SUPT6H: variants seen among roughly 807,000 people sequenced by gnomAD.
SUPT6H encodes the protein SPT6 homolog, histone chaperone and transcription elongation factor, also known as transcription elongation factor SPT6.
A neutral mutation model predicts 222.3 loss-of-function variants in SUPT6H; 11 were observed. That is an observed-to-expected ratio of 0.05 (90% CI 0.03 to 0.08). The LOEUF is 0.08. Ranked by LOEUF, SUPT6H falls within the 10% of genes least tolerant of loss-of-function variation. The pLI is 1.00. For missense variants in SUPT6H, 1,422 were observed against 2,216.0 expected (o/e 0.64, Z 7.19); for synonymous variants, 762 against 801.2 (o/e 0.95, Z 0.83).
chr17:28,701,630 C>T lies in SUPT6H; in HGVS notation c.*5C>T. 1 of 1,600,930 alleles carries T rather than the reference C, an allele frequency of 6.2e-7. No individual in the cohort carries two copies. Among genetic ancestry groups the T allele is most frequent in the South Asian group, 1.1e-5 (1 of 90,294 alleles). The stretch of plus-strand genomic sequence containing the variant: ...CTGGACGAGATGGATCGGTAGGGGG[C>T]CTGCTCCTCGGACTCTGGTTACCTC... On this transcript the variant is annotated 3_prime_UTR_variant, in exon 37 of 37. Coordinates refer to ENST00000314616, the MANE Select transcript of SUPT6H (RefSeq NM_003170.5).
intron 33 of SUPT6H, 63 bp from the exon 34 acceptor site, chr17:28,700,110 C>A (rs556901351): frequency 6.2e-7 from 1 of 1,609,494 alleles, no homozygotes. Context: ...CCTTCCACCC[C>A]CTGAATTGGG....
chr17:28,686,228 A>G (rs989537364), intron 19 of SUPT6H, 111 bp from the exon 20 acceptor site: 36 of 977,252 alleles, frequency 3.7e-5, no homozygotes, highest in Non-Finnish European at 2.6e-5. Context: ...CTTGGACCAG[A>G]TATCTTCTGA....
At chr17:28,685,641 G>A (rs1309906831) in intron 19 of SUPT6H, among the ~76,000 whole-genome samples, 2 of 151,970 alleles carry the variant, frequency 1.3e-5, no homozygotes, top group South Asian at 2.1e-4. Context: ...GCACCACCAC[G>A]CCTGTCTAAT....
In SUPT6H at chr17:28,695,112, A is replaced by G. The variant is rs538212794; in HGVS notation, c.3775-240A>G. On this transcript the variant is annotated intron_variant, in intron 28 of 36. Coordinates refer to ENST00000314616, the MANE Select transcript of SUPT6H (RefSeq NM_003170.5). ...AGAGTGCCAGGGACAGGGTAGATCC[A>G]GCAGGCTTCAGCTGGTTTTCCTGCC... 1.8e-4 allele frequency: 86 copies of G among 488,504 alleles called. 1 individual carries two copies. Among genetic ancestry groups the G allele is most frequent in the Non-Finnish European group, 2.9e-4 (78 of 272,800 alleles). 30.3% of individuals were successfully genotyped at this position (488,504 alleles called of 1,614,324 possible).
At chr17:28,665,509 A>G (rs2029959095) in intron 1 of SUPT6H, among the ~76,000 whole-genome samples, 1 of 152,110 alleles carries the variant, frequency 6.6e-6, no homozygotes, top group East Asian at 1.9e-4. Context: ...TATAATCCCA[A>G]CACTTTGGGA....
intron 1 of SUPT6H, among the ~76,000 whole-genome samples, chr17:28,667,356 G>A (rs1597682829): frequency 9.5e-6 from 1 of 105,716 alleles, no homozygotes; most frequent in Admixed American, 1.4e-4. Flanking sequence ...GGGTAACTGA[G>A]CAAGACTCCG....
intron 1 of SUPT6H, chr17:28,672,682 G>A (rs1051790117): frequency 4.6e-5 from 7 of 151,592 alleles, no homozygotes; most frequent in African/African-American, 1.5e-4. Flanking sequence ...CCTAAGTGCT[G>A]GGGTTATAGG....
intron 23 of SUPT6H, 152 bp downstream of exon 23, chr17:28,687,623 T>C (rs1218431090): frequency 4.5e-6 from 4 of 888,098 alleles, no homozygotes; most frequent in Middle Eastern, 3.5e-4. Context: ...GAGTCTGACT[T>C]CAGACCCAGT....
intron 1 of SUPT6H, among the ~76,000 whole-genome samples, chr17:28,669,566 G>A (rs1191550323): frequency 6.6e-6 from 1 of 152,204 alleles, no homozygotes; most frequent in Non-Finnish European, 1.5e-5. Context: ...AACTTTGGAA[G>A]GTCGAGGCAG....
chr17:28,701,695 C>T lies in SUPT6H; in HGVS notation c.*70C>T, dbSNP rs1412505370. 6 of 1,472,978 alleles carry T rather than the reference C, an allele frequency of 4.1e-6. No homozygotes were observed. Among genetic ancestry groups the T allele is most frequent in the Non-Finnish European group, 4.6e-6 (5 of 1,088,352 alleles). 91.2% of individuals were successfully genotyped at this position (1,472,978 alleles called of 1,614,324 possible). A position where few individuals can be genotyped will look rare whatever the true frequency, so the allele number is the denominator to read the frequency against. ...GCCTGGCTGCCCACTGCCTCCCTCC[C>T]TGCCCCTCCTTTTATGTCCATAAAG... On this transcript the variant is annotated 3_prime_UTR_variant, in exon 37 of 37. Transcript: ENST00000314616.
chr17:28,673,443 A>G lies in SUPT6H; in HGVS notation c.42A>G (p.Glu14=). 1 of 1,614,136 alleles carries G rather than the reference A, an allele frequency of 6.2e-7. No individual in the cohort carries two copies. Among genetic ancestry groups the G allele is most frequent in the Non-Finnish European group, 8.5e-7 (1 of 1,180,012 alleles). Residue 14 remains glutamate, a synonymous_variant, in exon 2 of 37, where the codon GAA becomes GAG. Coordinates refer to ENST00000314616, the MANE Select transcript of SUPT6H (RefSeq NM_003170.5). ...FVESEAEESE[E]EYNDEGEVVP... The stretch of plus-strand genomic sequence containing the variant: ...AAAGCGAGGCTGAGGAGTCAGAGGA[A>G]GAATACAATGATGAAGGCGAGGTGG...
chr17:28,676,382 A>G lies in SUPT6H; in HGVS notation c.849A>G (p.Thr283=). Residue 283 remains threonine (T), a synonymous_variant, in exon 7 of 37, where the codon ACA becomes ACG. Coordinates refer to ENST00000314616, the MANE Select transcript of SUPT6H (RefSeq NM_003170.5). ...GTGAGCTAGAAAGCAGCCACCTCAC[A>G]GATCAGGACAATGAAATCCGAGCCA... ...EPSELESSHL[T]DQDNEIRATD... is the part of the protein sequence containing the mutation. The G allele has an allele frequency of 6.2e-7, 1 of 1,613,958 alleles. No individual in the cohort carries two copies. The highest frequency in any genetic ancestry group is 2.2e-5 in the East Asian group (1 of 44,874).
chr17:28,665,178 T>A (rs1404964949), intron 1 of SUPT6H, among the ~76,000 whole-genome samples: 1 of 152,226 alleles, frequency 6.6e-6, no homozygotes, highest in African/African-American at 2.4e-5. Flanking sequence ...GCCTTCACCA[T>A]GCTCTAGTGC....
At chr17:28,693,436 T>C (rs963239876) in intron 27 of SUPT6H, among the ~76,000 whole-genome samples, 2 of 152,172 alleles carry the variant, frequency 1.3e-5, no homozygotes, top group African/African-American at 4.8e-5. Context: ...CACTCCAGCC[T>C]GGGCAACAGA....
intron 5 of SUPT6H, 108 bp downstream of exon 5, chr17:28,675,270 C>A: frequency 6.7e-7 from 1 of 1,484,310 alleles, no homozygotes; most frequent in Non-Finnish European, 9.2e-7. Flanking sequence ...CAGCATTTGA[C>A]ACAAAGAAGT....
rs2031402681 is a variant in SUPT6H, at chr17:28,686,805, C to A, written c.2700+16C>A. ...GAAGTCAGAGGTAATGCTGGAGCCT[C>A]ACCCTTAGGGCCTGCCCAGGCAAGT... On this transcript the variant is annotated intron_variant, in intron 21 of 36. Coordinates refer to ENST00000314616, the MANE Select transcript of SUPT6H (RefSeq NM_003170.5). 4 of 1,584,492 alleles carry A rather than the reference C, an allele frequency of 2.5e-6. No homozygotes were observed. The highest frequency in any genetic ancestry group is 2.7e-5 in the African/African-American group (2 of 73,772).
chr17:28,691,320 G>T, intron 27 of SUPT6H: 1 of 390,660 alleles, frequency 2.6e-6, no homozygotes, highest in East Asian at 4.6e-5. Context: ...GAGATCAGGG[G>T]TTCGAGACCA....
In SUPT6H at chr17:28,690,245, A is replaced by G; in HGVS notation, c.3490+16A>G. The G allele has an allele frequency of 1.9e-6, 3 of 1,612,286 alleles. No homozygotes were observed. The highest frequency in any genetic ancestry group is 1.7e-4 in the Middle Eastern group (1 of 5,836). On this transcript the variant is annotated intron_variant, in intron 26 of 36. Coordinates refer to ENST00000314616, the MANE Select transcript of SUPT6H (RefSeq NM_003170.5). The stretch of plus-strand genomic sequence containing the variant: ...TTCTACATTGGTAAATTCTGGGGTC[A>G]TTTTTTTATTGGGGGCAGGAGGTGT...
intron 23 of SUPT6H, 135 bp from the exon 24 acceptor site, chr17:28,687,956 C>A: frequency 1.1e-6 from 1 of 871,072 alleles, no homozygotes; most frequent in Non-Finnish European, 1.6e-6. Context: ...TTTGAGTGGT[C>A]GATAGCATGC....
Sources: gnomAD v4.1 joint callset for allele counts (sites outside exome capture counted in the v4.1 genomes callset) on GRCh38, gnomAD v4.1.1 for gene constraint, MANE v1.5 for transcripts, NCBI Gene and HGNC (gene_info 2026-07-23, HGNC 2026-07-21) for gene names.